The following TAFA2 variants were observed in gnomAD, a reference collection of about 807,000 sequenced individuals.
The protein encoded by TAFA2 is chemokine-like protein TAFA-2.
TAFA2 carries 7 observed loss-of-function variants against 18.8 expected under a neutral mutation model. That is an observed-to-expected ratio of 0.37 (90% confidence interval 0.21 to 0.70). The LOEUF is 0.70. Among genes scored for constraint, TAFA2 ranks in the 30% least tolerant of loss-of-function variants. The pLI, the probability that TAFA2 is intolerant of heterozygous loss-of-function variation, is 0.53. For missense variants in TAFA2, 122 were observed against 158.1 expected, an observed-to-expected ratio of 0.77 and a Z score of 1.23; for synonymous variants, 60 against 54.2, an observed-to-expected ratio of 1.11 and a Z score of -0.47.
intron 1 of TAFA2, among the ~76,000 whole-genome samples, chr12:61,988,154 G>A (rs536938017): frequency 1.3e-5 from 2 of 151,964 alleles, no homozygotes; most frequent in African/African-American, 4.8e-5. Flanking sequence ...CCTACTTCAC[G>A]GGTGTCAATG....
intron 1 of TAFA2, among the ~76,000 whole-genome samples, chr12:62,036,774 A>G (rs188678761): frequency 3.7e-3 from 557 of 152,356 alleles, no homozygotes; most frequent in Middle Eastern, 0.014. Context: ...ACTAAAGCAG[A>G]TACCAAATAC....
chr12:61,794,887 AAAAC>A (rs1269241832), intron 2 of TAFA2, among the ~76,000 whole-genome samples: 9 of 152,152 alleles, frequency 5.9e-5, no homozygotes, highest in African/African-American at 1.4e-4. Context: ...TTACAAGAAA[AAAAC>A]AAACAACCCC....
At chr12:61,957,793 A>T (rs1278612743) in intron 1 of TAFA2, among the ~76,000 whole-genome samples, 1 of 152,082 alleles carries the variant, frequency 6.6e-6, no homozygotes, top group Admixed American at 6.6e-5. Context: ...TCTGCTGGAA[A>T]GTTTGGAGAA....
rs1301343942 is a variant in TAFA2 at position 61,716,094 on chromosome 12, G to C, written c.385-5677C>G. Among the ~76,000 whole-genome samples, 3 of 152,116 alleles carry C rather than the reference G, an allele frequency of 2.0e-5. No homozygotes were observed. The East Asian group carries it at 5.8e-4, about 29-fold the overall frequency. On this transcript the variant is annotated intron_variant, in intron 4 of 4. Transcript: ENST00000416284. ...AGCTGAGAAGTAAATGAGTTAATAG[G>C]TTACATGCTTAAAACAGTATGAGGA...
chr12:62,038,066 G>C (rs558115782), intron 1 of TAFA2, among the ~76,000 whole-genome samples: 3 of 152,122 alleles, frequency 2.0e-5, no homozygotes, highest in Non-Finnish European at 4.4e-5. Context: ...AATACACAGA[G>C]AGAAATTAAA....
intron 1 of TAFA2, among the ~76,000 whole-genome samples, chr12:61,913,296 C>A (rs1416351143): frequency 3.9e-5 from 6 of 152,176 alleles, no homozygotes; most frequent in Non-Finnish European, 5.9e-5. Context: ...ACACAGTGCC[C>A]TTCCTATAAG....
intron 2 of TAFA2, among the ~76,000 whole-genome samples, chr12:61,840,840 C>G (rs188286140): frequency 6.6e-6 from 1 of 152,112 alleles, no homozygotes; most frequent in East Asian, 1.9e-4. Flanking sequence ...ATAAGAGGGT[C>G]ATGAGGGAAA....
At chr12:61,836,756 T>TATATATATATATATACACAC (rs68158949) in intron 2 of TAFA2, among the ~76,000 whole-genome samples, 5 of 119,848 alleles carry the variant, frequency 4.2e-5, no homozygotes, top group Admixed American at 1.9e-4. Flanking sequence ...TATATATATA[T>TATATATATATATATACACAC]ACACACACAC....
At chr12:61,983,308 C>G (rs1879701926) in intron 1 of TAFA2, among the ~76,000 whole-genome samples, 1 of 152,178 alleles carries the variant, frequency 6.6e-6, no homozygotes, top group African/African-American at 2.4e-5. Flanking sequence ...CAGAATGAAA[C>G]ACTTTCTACT....
intron 1 of TAFA2, among the ~76,000 whole-genome samples, chr12:61,905,448 T>C (rs1374435679): frequency 6.6e-6 from 1 of 152,176 alleles, no homozygotes; most frequent in Non-Finnish European, 1.5e-5. Context: ...TCAAATTAAA[T>C]AAAATAAATT....
chr12:61,955,646 T>C (rs1468950825), intron 1 of TAFA2, among the ~76,000 whole-genome samples: 1 of 61,800 alleles, frequency 1.6e-5, no homozygotes, highest in Non-Finnish European at 3.3e-5. Flanking sequence ...TATATATATA[T>C]ATATATATAT....
chr12:62,129,108 A>G (rs1870580708), intron 1 of TAFA2, among the ~76,000 whole-genome samples: 1 of 152,062 alleles, frequency 6.6e-6, no homozygotes, highest in Non-Finnish European at 1.5e-5. Context: ...TCTACCCAGA[A>G]GCAGGTATTT....
rs116936628 is a variant in TAFA2 at position 62,206,134 on chromosome 12, A to C, written c.-130+52629T>G. Among the ~76,000 whole-genome samples, 622 of 151,682 alleles carry C rather than the reference A, an allele frequency of 4.1e-3. 11 individuals are homozygous for C. In the East Asian group the frequency reaches 0.042, roughly 10 times the overall value. ...CACTGTTTTTATTCTTCTCAATGGG[A>C]GCCTCCAACCCCAGCTGTTTCTAGT... is the stretch of plus-strand genomic sequence containing the variant. On this transcript the variant is annotated intron_variant, in intron 1 of 5. Transcript: ENST00000551619.
chr12:62,067,966 T>C (rs1348532547), intron 1 of TAFA2, among the ~76,000 whole-genome samples: 1 of 152,018 alleles, frequency 6.6e-6, no homozygotes, highest in Admixed American at 6.6e-5. Context: ...TAATTTTTGT[T>C]TTTACTTTTT....
intron 1 of TAFA2, among the ~76,000 whole-genome samples, chr12:62,228,276 C>T (rs564014021): frequency 2.0e-5 from 3 of 152,242 alleles, no homozygotes; most frequent in Admixed American, 6.5e-5. Flanking sequence ...TAAGTCAGAA[C>T]ATGCAGTATT....
At chr12:61,821,456 GTTATCT>G (rs1872320298) in intron 2 of TAFA2, among the ~76,000 whole-genome samples, 1 of 151,894 alleles carries the variant, frequency 6.6e-6, no homozygotes, top group South Asian at 2.1e-4. Context: ...CCTACTGAGT[GTTATCT>G]TTTAATAAAC....
chr12:61,906,526 G>A (rs1428500629), intron 1 of TAFA2, among the ~76,000 whole-genome samples: 1 of 152,072 alleles, frequency 6.6e-6, no homozygotes, highest in Non-Finnish European at 1.5e-5. Context: ...ACTCAGTCTT[G>A]GGTATGTCTT....
intron 1 of TAFA2, among the ~76,000 whole-genome samples, chr12:62,110,777 T>C (rs1027428535): frequency 1.3e-5 from 2 of 152,124 alleles, no homozygotes; most frequent in Non-Finnish European, 1.5e-5. Flanking sequence ...TTTCTATACA[T>C]AGAGGTGTTT....
chr12:62,035,733 C>CTTT (rs34859628), intron 1 of TAFA2, among the ~76,000 whole-genome samples: 1,070 of 60,232 alleles, frequency 0.018, 187 homozygotes, highest in African/African-American at 0.057. Flanking sequence ...ATGATTCTTT[C>CTTT]TTTTTTTTTT....
Sources: gnomAD v4.1 joint callset for allele counts (sites outside exome capture counted in the v4.1 genomes callset) on GRCh38, gnomAD v4.1.1 for gene constraint, MANE v1.5 for transcripts, NCBI Gene and HGNC (gene_info 2026-07-23, HGNC 2026-07-21) for gene names.